The following SLC24A3 variants were observed in gnomAD, a reference collection of about 807,000 sequenced individuals.
The protein encoded by SLC24A3 is solute carrier family 24 member 3.
SLC24A3 carries 28 observed loss-of-function variants against 75.8 expected under a neutral mutation model. That is an observed-to-expected ratio of 0.37 (90% CI 0.27 to 0.51). The LOEUF is 0.51. Ranked by LOEUF, SLC24A3 falls within the 20% of genes least tolerant of loss-of-function variation. The pLI is 0.94. For synonymous variants in SLC24A3, 372 were observed against 334.1 expected (o/e 1.11, Z -1.24); for missense variants, 663 against 847.8 (o/e 0.78, Z 2.71).
chr20:19,212,816 C>T lies in SLC24A3; in HGVS notation c.-27C>T. ...CCGCGACAGGAGCGGCCGCCGCCCGCCGAGGCCGCCGCCCGGCCGCCCGAG... is the reference window on the plus strand; with the variant it reads ...CCGCGACAGGAGCGGCCGCCGCCCGTCGAGGCCGCCGCCCGGCCGCCCGAG... On this transcript the variant is annotated 5_prime_UTR_variant, in exon 1 of 17. Coordinates refer to ENST00000328041, the MANE Select transcript of SLC24A3 (RefSeq NM_020689.4). 1.0e-6 allele frequency: 1 copy of T among 980,930 alleles called. No homozygotes were observed. Among genetic ancestry groups the T allele is most frequent in the Non-Finnish European group, 1.2e-6 (1 of 828,316 alleles). 60.8% of individuals were successfully genotyped at this position (980,930 alleles called of 1,614,324 possible).
At chr20:19,314,977 G>A (rs1007503280) in intron 2 of SLC24A3, among the ~76,000 whole-genome samples, 1 of 152,270 alleles carries the variant, frequency 6.6e-6, no homozygotes, top group South Asian at 2.1e-4. Context: ...TTGGTCAAAG[G>A]CCACACATAA....
chr20:19,232,423 C>T (rs1410305248), intron 1 of SLC24A3, among the ~76,000 whole-genome samples: 1 of 152,148 alleles, frequency 6.6e-6, no homozygotes, highest in East Asian at 1.9e-4. Context: ...TTTGTGACAA[C>T]ATATTTGAAA....
rs189676714 is a variant in SLC24A3, at chr20:19,455,787, C to T, written c.272-59701C>T. 1.5e-3 allele frequency among the ~76,000 whole-genome samples: 223 copies of T among 152,312 alleles called. 1 individual carries two copies. The highest frequency in any genetic ancestry group is 8.9e-3 in the South Asian group (43 of 4,824). On this transcript the variant is annotated intron_variant, in intron 2 of 16. Transcript: ENST00000328041. ...TTACTGGTGCTTCCTCGGATCACCC[C>T]CCTAATTTCACAGTCGCCTTCTGGG... is the stretch of plus-strand genomic sequence containing the variant.
chr20:19,393,777 C>G (rs1207586566), intron 2 of SLC24A3, among the ~76,000 whole-genome samples: 2 of 152,160 alleles, frequency 1.3e-5, no homozygotes, highest in East Asian at 3.9e-4. Context: ...GTTAAGATGT[C>G]AAGATTACAC....
At chr20:19,578,090 C>G (rs958612053) in intron 3 of SLC24A3, among the ~76,000 whole-genome samples, 2 of 152,166 alleles carry the variant, frequency 1.3e-5, no homozygotes, top group African/African-American at 2.4e-5. Flanking sequence ...TCAAAGGCAA[C>G]AGAGATCATT....
chr20:19,357,270 G>T (rs1472286646), intron 2 of SLC24A3, among the ~76,000 whole-genome samples: 2 of 152,198 alleles, frequency 1.3e-5, no homozygotes, highest in African/African-American at 4.8e-5. Context: ...GAGGGGGCAT[G>T]GCTCTGCTGA....
At chr20:19,418,679 A>G (rs1406119913) in intron 2 of SLC24A3, among the ~76,000 whole-genome samples, 1 of 151,058 alleles carries the variant, frequency 6.6e-6, no homozygotes, top group Non-Finnish European at 1.5e-5. Flanking sequence ...CCCTAATAAT[A>G]TAATATATAA....
intron 6 of SLC24A3, among the ~76,000 whole-genome samples, chr20:19,652,495 A>G (rs901464626): frequency 7.9e-5 from 12 of 152,228 alleles, no homozygotes; most frequent in Non-Finnish European, 2.9e-5. Flanking sequence ...GAATGAAAAA[A>G]GGGTAAAGAA....
chr20:19,259,476 G>T (rs557096246), intron 1 of SLC24A3, among the ~76,000 whole-genome samples: 1 of 152,336 alleles, frequency 6.6e-6, no homozygotes, highest in South Asian at 2.1e-4. Context: ...AACAGTCTCA[G>T]AAGTGGAGCA....
chr20:19,575,254 CAAAAAAAAA>C (rs34789411), intron 3 of SLC24A3, among the ~76,000 whole-genome samples: 1 of 72,624 alleles, frequency 1.4e-5, no homozygotes, highest in East Asian at 5.4e-4. Context: ...GAGACACTCT[CAAAAAAAAA>C]AAAAAAAAAA....
chr20:19,382,331 TTGA>T (rs1369712331), intron 2 of SLC24A3, among the ~76,000 whole-genome samples: 1 of 152,334 alleles, frequency 6.6e-6, no homozygotes, highest in Non-Finnish European at 1.5e-5. Context: ...TCGATTACTG[TTGA>T]TGATGATGAT....
rs984802906 is a variant in SLC24A3 at position 19,698,570 on chromosome 20, A to G, written c.1609A>G (p.Met537Val). The G allele has an allele frequency of 6.3e-7, 1 of 1,577,372 alleles. No individual in the cohort carries two copies. The highest frequency in any genetic ancestry group is 1.3e-5 in the African/African-American group (1 of 74,234). ...TAAGTGACCTCTTGTCCCTGCAGGG[A>G]TGGGGGACATGGCTGTGTCCAACTC... ...MASLIVARQGMGDMAVSNSIG... is the reference protein window; with the variant it reads ...MASLIVARQGVGDMAVSNSIG... The change falls in exon 15 of 17, where the codon ATG (methionine) becomes GTG (valine). Residue 537 changes from methionine to valine, a missense_variant and splice_region_variant. Coordinates refer to ENST00000328041, the MANE Select transcript of SLC24A3 (RefSeq NM_020689.4).
chr20:19,294,495 A>G (rs936226644), intron 2 of SLC24A3, among the ~76,000 whole-genome samples: 3 of 151,722 alleles, frequency 2.0e-5, no homozygotes, highest in East Asian at 1.9e-4. Flanking sequence ...ATGTGTTCTC[A>G]TTGTTCAGCT....
At chr20:19,598,838 C>A (rs2031484977) in intron 6 of SLC24A3, among the ~76,000 whole-genome samples, 1 of 151,866 alleles carries the variant, frequency 6.6e-6, no homozygotes, top group South Asian at 2.1e-4. Context: ...TGTGTCCCAG[C>A]CTCCCCATAG....
At chr20:19,290,148 C>T (rs897317995) in intron 2 of SLC24A3, among the ~76,000 whole-genome samples, 4 of 152,110 alleles carry the variant, frequency 2.6e-5, no homozygotes, top group African/African-American at 9.7e-5. Context: ...CAGGCCCAGC[C>T]ATCTGGGTTG....
intron 2 of SLC24A3, among the ~76,000 whole-genome samples, chr20:19,459,166 T>C (rs1987628980): frequency 6.6e-6 from 1 of 152,248 alleles, no homozygotes; most frequent in Non-Finnish European, 1.5e-5. Context: ...TTGAGATACC[T>C]GGTTTACTGA....
At chr20:19,274,061 A>AGG (rs935846191) in intron 1 of SLC24A3, among the ~76,000 whole-genome samples, 2 of 150,974 alleles carry the variant, frequency 1.3e-5, no homozygotes, top group African/African-American at 4.9e-5. Flanking sequence ...TCTGGGTTAA[A>AGG]GGGAGGCCTG....
intron 2 of SLC24A3, among the ~76,000 whole-genome samples, chr20:19,343,784 T>A (rs998423568): frequency 2.0e-5 from 3 of 152,164 alleles, no homozygotes; most frequent in Non-Finnish European, 4.4e-5. Flanking sequence ...ATGCATTCAA[T>A]GAAGCCAGAT....
intron 6 of SLC24A3, among the ~76,000 whole-genome samples, chr20:19,645,999 G>T (rs2032132424): frequency 6.6e-6 from 1 of 152,136 alleles, no homozygotes; most frequent in African/African-American, 2.4e-5. Flanking sequence ...AGGCTGCAGT[G>T]AGCCAAGATT....
Sources: gnomAD v4.1 joint callset for allele counts (sites outside exome capture counted in the v4.1 genomes callset) on GRCh38, gnomAD v4.1.1 for gene constraint, MANE v1.5 for transcripts, NCBI Gene and HGNC (gene_info 2026-07-23, HGNC 2026-07-21) for gene names.